The following FARP1 variants were observed in gnomAD, a reference collection of about 807,000 sequenced individuals.
FARP1 encodes FERM, ARH/RhoGEF and pleckstrin domain protein 1, also known as FERM, ARHGEF and pleckstrin domain-containing protein 1.
A neutral mutation model predicts 128.8 loss-of-function variants in FARP1; 52 were observed. The ratio of observed to expected loss-of-function variants is 0.40; its 90% CI spans 0.32 to 0.51. The LOEUF (loss-of-function observed/expected upper bound fraction) is 0.51, where lower values mean the gene tolerates loss of function less well. Among genes scored for constraint, FARP1 ranks in the 20% least tolerant of loss-of-function variants. The probability of loss-of-function intolerance (pLI) is 0.45; values close to 1 mark genes in which losing one functional copy is unlikely to be tolerated. For synonymous variants in FARP1, 580 were observed against 551.8 expected, an observed-to-expected ratio of 1.05 and a Z score of -0.72; for missense variants, 1,333 against 1,367.9, an observed-to-expected ratio of 0.97 and a Z score of 0.40.
At chr13:98,241,691 G>A (rs1882781802) in intron 2 of FARP1, among the ~76,000 whole-genome samples, 1 of 152,118 alleles carries the variant, frequency 6.6e-6, no homozygotes, top group Non-Finnish European at 1.5e-5. Flanking sequence ...TGAGGTGGGT[G>A]GATCACCTGA....
At chr13:98,414,568 G>C (rs1891308169) in intron 16 of FARP1, among the ~76,000 whole-genome samples, 1 of 152,160 alleles carries the variant, frequency 6.6e-6, no homozygotes, top group African/African-American at 2.4e-5. Flanking sequence ...CCTCGTTGAA[G>C]TTACCTCAAG....
Position 98,309,153 on chromosome 13 carries a change from C to CTTTTTTTTTTTTTTTTTT in FARP1, c.172-34596_172-34579dup, listed in dbSNP as rs56030081. On this transcript the variant is annotated intron_variant, in intron 2 of 26. Transcript: ENST00000319562. ...TATATTAATATTAATTTTAAGAGGC[C>CTTTTTTTTTTTTTTTTTT]TTTTTTTTTTTTTTTTTTTTTTTTT... Among the ~76,000 whole-genome samples, 18 of 89,670 alleles carry CTTTTTTTTTTTTTTTTTT rather than the reference C, an allele frequency of 2.0e-4. 5 individuals carry two copies. Among genetic ancestry groups the CTTTTTTTTTTTTTTTTTT allele is most frequent in the Admixed American group, 1.4e-4 (1 of 6,976 alleles). 58.8% of individuals were successfully genotyped at this position (89,670 alleles called of 152,430 possible).
At chr13:98,177,916 G>C (rs967582057) in intron 1 of FARP1, 2 of 152,118 alleles carry the variant, frequency 1.3e-5, no homozygotes, top group African/African-American at 4.8e-5. Flanking sequence ...AACAAAAACA[G>C]ATACAAGCAA....
At position 98,177,148 on chromosome 13, in the gene FARP1, G is replaced by T. The variant is rs1341694792; in HGVS notation, c.-24+33656G>T. ...GGCCGGGCGCTTTCTGAGGCCTGCA[G>T]CCCCTTTCCGTCCAGGCTTTTTGAA... On this transcript the variant is annotated intron_variant, in intron 1 of 26. Transcript: ENST00000319562. 2.5e-6 allele frequency: 4 copies of T among 1,607,114 alleles called. No homozygotes were observed. The South Asian group carries it at 4.4e-5, about 18-fold the overall frequency.
chr13:98,150,187 C>T (rs1278903947), intron 1 of FARP1, among the ~76,000 whole-genome samples: 2 of 151,982 alleles, frequency 1.3e-5, no homozygotes, highest in African/African-American at 4.8e-5. Flanking sequence ...TACAGGCATG[C>T]GCCATGCTAT....
intron 7 of FARP1, among the ~76,000 whole-genome samples, chr13:98,385,408 C>A (rs1315322344): frequency 8.7e-5 from 12 of 138,180 alleles, no homozygotes; most frequent in African/African-American, 2.9e-4. Context: ...TTTGAGATTC[C>A]AAAAAAAACA....
At chr13:98,437,102 A>G (rs1212770401) in intron 19 of FARP1, among the ~76,000 whole-genome samples, 1 of 152,182 alleles carries the variant, frequency 6.6e-6, no homozygotes, top group East Asian at 1.9e-4. Context: ...GACATAATAC[A>G]TATTAATTAT....
At chr13:98,353,116 G>A (rs1340149355) in intron 3 of FARP1, among the ~76,000 whole-genome samples, 1 of 152,114 alleles carries the variant, frequency 6.6e-6, no homozygotes, top group African/African-American at 2.4e-5. Context: ...GGGATGGTGC[G>A]AAGCCATTCA....
rs151176300 is a variant in FARP1, at chr13:98,449,627, C to G, written c.*1310C>G. Reference sequence around the variant, plus strand: ...TCTGACTGGTGTAGCTGGAAACAAACAGCAACTTGCAAACGGACGAAGAGC... The same window carrying G: ...TCTGACTGGTGTAGCTGGAAACAAAGAGCAACTTGCAAACGGACGAAGAGC... On this transcript the variant is annotated 3_prime_UTR_variant, in exon 27 of 27. Transcript: ENST00000319562. 224 of 152,778 alleles carry G rather than the reference C, an allele frequency of 1.5e-3. 1 individual carries two copies. The highest frequency in any genetic ancestry group is 5.1e-3 in the African/African-American group (213 of 41,550). The allele number at this position is 152,778 out of a possible 1,614,324, so 9.5% of individuals were successfully genotyped here.
chr13:98,400,934 A>G (rs1162964877), intron 13 of FARP1: 1 of 151,288 alleles, frequency 6.6e-6, no homozygotes, highest in Non-Finnish European at 1.5e-5. Context: ...TGGAACGCTA[A>G]GCATGTGGGA....
At chr13:98,278,683 A>G (rs1025714493) in intron 2 of FARP1, among the ~76,000 whole-genome samples, 4 of 152,180 alleles carry the variant, frequency 2.6e-5, no homozygotes, top group Non-Finnish European at 2.9e-5. Flanking sequence ...TAGATTTTTC[A>G]CTTCTTCACT....
At chr13:98,233,776 A>G (rs1882274749) in intron 2 of FARP1, 1 of 152,226 alleles carries the variant, frequency 6.6e-6, no homozygotes, top group African/African-American at 2.4e-5. Context: ...CTGACTTTTT[A>G]TGACCCATGC....
At chr13:98,290,473 C>T (rs1885399896) in intron 2 of FARP1, among the ~76,000 whole-genome samples, 1 of 151,996 alleles carries the variant, frequency 6.6e-6, no homozygotes, top group Admixed American at 6.6e-5. Flanking sequence ...AGGTAGAGAG[C>T]ATGTTCTGTG....
intron 2 of FARP1, among the ~76,000 whole-genome samples, chr13:98,318,719 C>G (rs1249564301): frequency 6.6e-6 from 1 of 152,328 alleles, no homozygotes; most frequent in South Asian, 2.1e-4. Context: ...ACCCAGCAGT[C>G]TGCCTTCTCT....
chr13:98,245,445 T>A, intron 2 of FARP1: 2 of 566,204 alleles, frequency 3.5e-6, no homozygotes, highest in Non-Finnish European at 4.5e-6. Context: ...AGCAACTAAG[T>A]AATACGAAGT....
intron 2 of FARP1, among the ~76,000 whole-genome samples, chr13:98,233,175 C>CT (rs1336527401): frequency 6.6e-6 from 1 of 152,198 alleles, no homozygotes; most frequent in Non-Finnish European, 1.5e-5. Flanking sequence ...AAGGTGTTGT[C>CT]TAATGTTAAG....
Position 98,448,968 on chromosome 13 carries a change from G to A in FARP1, c.*651G>A, listed in dbSNP as rs1380420588. On this transcript the variant is annotated 3_prime_UTR_variant, in exon 27 of 27. Transcript: ENST00000319562. Reference sequence around the variant, plus strand: ...CTTCTTGGTGCAAGTTGACCAAATCGTTTTAAGTGGTAACTCTTTCCAACC... The same window carrying A: ...CTTCTTGGTGCAAGTTGACCAAATCATTTTAAGTGGTAACTCTTTCCAACC... The A allele has an allele frequency of 1.1e-4, 16 of 152,196 alleles. No homozygotes were observed. The highest frequency in any genetic ancestry group is 2.9e-5 in the Non-Finnish European group (2 of 68,068). 9.4% of individuals were successfully genotyped at this position (152,196 alleles called of 1,614,324 possible). A position where few individuals can be genotyped will look rare whatever the true frequency, so the allele number is the denominator to read the frequency against.
chr13:98,224,572 A>G lies in FARP1; in HGVS notation c.171+11159A>G, dbSNP rs188463538. Among the ~76,000 whole-genome samples, 659 of 151,502 alleles carry G rather than the reference A, an allele frequency of 4.3e-3. 8 individuals carry two copies. Among genetic ancestry groups the G allele is most frequent in the Non-Finnish European group, 5.1e-3 (343 of 67,884 alleles). ...AAAAAAAAAAAGAAAACACAAAACA[A>G]TAGGTAGTTACTATCTTACAGTGCT... On this transcript the variant is annotated intron_variant, in intron 2 of 26. Coordinates refer to ENST00000319562, the MANE Select transcript of FARP1 (RefSeq NM_005766.4).
chr13:98,248,329 G>GGGA (rs1883167263), intron 2 of FARP1, among the ~76,000 whole-genome samples: 1 of 152,146 alleles, frequency 6.6e-6, no homozygotes, highest in South Asian at 2.1e-4. Flanking sequence ...TGAGGGTAGA[G>GGGA]GGAGGGGTAA....
Sources: allele counts gnomAD v4.1 joint callset (sites outside exome capture counted in the v4.1 genomes callset), GRCh38; gene constraint gnomAD v4.1.1; transcripts MANE v1.5; gene names NCBI Gene and HGNC (gene_info 2026-07-23, HGNC 2026-07-21).